The following NIBAN1 variants were observed in gnomAD, a reference collection of about 807,000 sequenced individuals.
NIBAN1 encodes protein Niban 1.
NIBAN1 carries 81 observed loss-of-function variants against 75.1 expected under a neutral mutation model. That is an observed-to-expected ratio of 1.08 (90% confidence interval 0.90 to 1.30). The LOEUF is 1.30. Among genes scored for constraint, NIBAN1 ranks in the 50% most tolerant of loss-of-function variants. The probability of loss-of-function intolerance (pLI) is 0.00; values close to 1 mark genes in which losing one functional copy is unlikely to be tolerated. For synonymous variants in NIBAN1, 436 were observed against 424.8 expected (o/e 1.03, Z -0.32); for missense variants, 1,133 against 1,128.1 (o/e 1.00, Z -0.06).
chr1:184,888,584 G>A (rs1230810815), intron 4 of NIBAN1, among the ~76,000 whole-genome samples: 1 of 152,160 alleles, frequency 6.6e-6, no homozygotes, highest in Non-Finnish European at 1.5e-5. Flanking sequence ...AAGTCAGAAG[G>A]TCACAACACA....
chr1:184,828,809 ATTT>A (rs11361571), intron 6 of NIBAN1, among the ~76,000 whole-genome samples: 2 of 146,592 alleles, frequency 1.4e-5, no homozygotes, highest in African/African-American at 2.5e-5. Flanking sequence ...AAGCAAAACC[ATTT>A]TTTTTTTTTT....
At chr1:184,963,004 C>T (rs563176959) in intron 1 of NIBAN1, among the ~76,000 whole-genome samples, 1 of 152,056 alleles carries the variant, frequency 6.6e-6, no homozygotes, top group South Asian at 2.1e-4. Flanking sequence ...CACCATTTTT[C>T]AACCCCCAAT....
At chr1:184,839,086 T>C (rs796223810) in intron 5 of NIBAN1, among the ~76,000 whole-genome samples, 3 of 152,292 alleles carry the variant, frequency 2.0e-5, no homozygotes, top group African/African-American at 2.4e-5. Context: ...CCATGGAGTA[T>C]GGACCATGAG....
intron 5 of NIBAN1, among the ~76,000 whole-genome samples, chr1:184,881,102 C>CAT (rs149931869): frequency 9.4e-6 from 1 of 106,618 alleles, no homozygotes; most frequent in African/African-American, 6.4e-5. Flanking sequence ...TGTGAGCATG[C>CAT]ACACACACAC....
intron 2 of NIBAN1, among the ~76,000 whole-genome samples, chr1:184,895,638 G>A (rs150194150): frequency 6.6e-6 from 1 of 152,052 alleles, no homozygotes; most frequent in African/African-American, 2.4e-5. Flanking sequence ...TGGGGACTGG[G>A]CTCCTAGTGT....
intron 5 of NIBAN1, among the ~76,000 whole-genome samples, chr1:184,883,748 G>A (rs1179056178): frequency 6.6e-6 from 1 of 152,160 alleles, no homozygotes; most frequent in South Asian, 2.1e-4. Flanking sequence ...CAGAATATCT[G>A]GGGGTGAAGC....
intron 1 of NIBAN1, among the ~76,000 whole-genome samples, chr1:184,933,786 T>G (rs1208675063): frequency 3.3e-5 from 5 of 152,240 alleles, no homozygotes; most frequent in Non-Finnish European, 7.3e-5. Flanking sequence ...TCTTATACAG[T>G]CTAACATAAG....
At chr1:184,900,807 C>T (rs1431972073) in intron 1 of NIBAN1, among the ~76,000 whole-genome samples, 1 of 152,074 alleles carries the variant, frequency 6.6e-6, no homozygotes, top group Non-Finnish European at 1.5e-5. Context: ...TGCTCGTAAG[C>T]GATGAGTCCG....
At chr1:184,814,218 T>A (rs1174503126) in intron 9 of NIBAN1, among the ~76,000 whole-genome samples, 1 of 152,170 alleles carries the variant, frequency 6.6e-6, no homozygotes, top group East Asian at 1.9e-4. Flanking sequence ...TTTCCCTAAA[T>A]TGGACATGGG....
At chr1:184,851,707 C>A (rs1655541913) in intron 5 of NIBAN1, among the ~76,000 whole-genome samples, 1 of 151,230 alleles carries the variant, frequency 6.6e-6, no homozygotes, top group Non-Finnish European at 1.5e-5. Context: ...TTAAGTAATG[C>A]AAAACATGAG....
intron 4 of NIBAN1, among the ~76,000 whole-genome samples, chr1:184,886,995 C>A (rs1656543376): frequency 6.6e-6 from 1 of 152,060 alleles, no homozygotes; most frequent in Non-Finnish European, 1.5e-5. Flanking sequence ...GTGGCATGCA[C>A]CTGTAATCCC....
At chr1:184,967,204 C>CT (rs1658813736) in intron 1 of NIBAN1, among the ~76,000 whole-genome samples, 2 of 147,216 alleles carry the variant, frequency 1.4e-5, no homozygotes, top group African/African-American at 2.5e-5. Flanking sequence ...TCTTTCCCTC[C>CT]CTCTCTCTCT....
chr1:184,940,826 A>G (rs1268670786), intron 1 of NIBAN1, among the ~76,000 whole-genome samples: 1 of 152,260 alleles, frequency 6.6e-6, no homozygotes, highest in Admixed American at 6.5e-5. Flanking sequence ...GAGGAGGATC[A>G]TTCCATTTCT....
intron 5 of NIBAN1, among the ~76,000 whole-genome samples, chr1:184,857,204 T>C (rs2102271141): frequency 6.6e-6 from 1 of 152,282 alleles, no homozygotes; most frequent in African/African-American, 2.4e-5. Context: ...AGGGGCTTCC[T>C]AACTGGGATC....
intron 4 of NIBAN1, 95 bp downstream of exon 4, chr1:184,890,013 G>T (rs1401300384): frequency 1.0e-6 from 1 of 953,462 alleles, no homozygotes; most frequent in Non-Finnish European, 1.6e-6. Flanking sequence ...AAATGTCCCT[G>T]GAGGGAAATC....
chr1:184,915,578 G>A (rs1407878598), intron 1 of NIBAN1, among the ~76,000 whole-genome samples: 1 of 152,144 alleles, frequency 6.6e-6, no homozygotes, highest in African/African-American at 2.4e-5. Flanking sequence ...GTGATGGAGA[G>A]GAATAGAATA....
At chr1:184,866,133 A>G (rs1655950780) in intron 5 of NIBAN1, among the ~76,000 whole-genome samples, 1 of 152,204 alleles carries the variant, frequency 6.6e-6, no homozygotes, top group South Asian at 2.1e-4. Flanking sequence ...ATGGGCATAG[A>G]CTTGGCTTCT....
chr1:184,825,425 T>C (rs190097752), intron 6 of NIBAN1, among the ~76,000 whole-genome samples: 4 of 152,132 alleles, frequency 2.6e-5, no homozygotes. Context: ...TGGATACAGT[T>C]TGAAAAAGGA....
In NIBAN1 at chr1:184,941,918, C is replaced by T. The variant is rs1365512589; in HGVS notation, c.55+32384G>A. ...GATCAGCTGCTCAGACAGAGGAGAC[C>T]ATATTTGCCCTAATTTGTAACAAAT... On this transcript the variant is annotated intron_variant, in intron 1 of 13. Coordinates refer to ENST00000367511, the MANE Select transcript of NIBAN1 (RefSeq NM_052966.4). Among the ~76,000 whole-genome samples, 4 of 152,096 alleles carry T rather than the reference C, an allele frequency of 2.6e-5. No individual in the cohort carries two copies. The East Asian group carries it at 7.7e-4, about 29-fold the overall frequency.
Sources: allele counts gnomAD v4.1 joint callset (sites outside exome capture counted in the v4.1 genomes callset), GRCh38; gene constraint gnomAD v4.1.1; transcripts MANE v1.5; gene names NCBI Gene and HGNC (gene_info 2026-07-23, HGNC 2026-07-21).